The following GABRB2 variants were observed in gnomAD, a reference collection of about 807,000 sequenced individuals.
The protein encoded by GABRB2 is gamma-aminobutyric acid type A receptor subunit beta2.
Under a neutral mutation model 54.7 loss-of-function variants are expected in GABRB2, and 16 were observed. The ratio of observed to expected loss-of-function variants is 0.29; its 90% CI spans 0.20 to 0.44. The LOEUF (loss-of-function observed/expected upper bound fraction) is 0.44. GABRB2 is among the 20% of genes least tolerant of loss of function. The probability of loss-of-function intolerance (pLI) is 1.00; values close to 1 mark genes in which losing one functional copy is unlikely to be tolerated. For synonymous variants in GABRB2, 244 were observed against 233.8 expected (o/e 1.04, Z -0.40); for missense variants, 355 against 644.0 (o/e 0.55, Z 4.86).
intron 5 of GABRB2, among the ~76,000 whole-genome samples, chr5:161,378,150 C>A (rs1209708612): frequency 5.3e-5 from 8 of 152,062 alleles, no homozygotes; most frequent in Non-Finnish European, 1.0e-4. Flanking sequence ...GGCTTACTAG[C>A]TTTGTGTCTT....
At chr5:161,358,885 C>T (rs1338162919) in intron 5 of GABRB2, among the ~76,000 whole-genome samples, 1 of 152,080 alleles carries the variant, frequency 6.6e-6, no homozygotes, top group Admixed American at 6.6e-5. Context: ...CCAGCAACGT[C>T]CAAGGCCTAG....
intron 3 of GABRB2, among the ~76,000 whole-genome samples, chr5:161,497,528 A>ATGTGTGTGTGTG (rs1212086112): frequency 1.3e-5 from 1 of 77,130 alleles, no homozygotes; most frequent in African/African-American, 5.8e-5. Context: ...GAGTGTGTGT[A>ATGTGTGTGTGTG]TATGTGTGTG....
intron 3 of GABRB2, among the ~76,000 whole-genome samples, chr5:161,533,757 A>G (rs914688555): frequency 1.3e-5 from 2 of 152,160 alleles, no homozygotes; most frequent in Non-Finnish European, 2.9e-5. Context: ...AAGCTCATAG[A>G]ACATGGAAAA....
chr5:161,349,690 T>C (rs910739524), intron 5 of GABRB2, among the ~76,000 whole-genome samples: 2 of 152,108 alleles, frequency 1.3e-5, no homozygotes, highest in African/African-American at 4.8e-5. Context: ...ATGGAGAGAC[T>C]CGCATGGTGG....
intron 4 of GABRB2, among the ~76,000 whole-genome samples, chr5:161,436,954 A>G (rs1374501957): frequency 6.6e-6 from 1 of 152,076 alleles, no homozygotes; most frequent in Non-Finnish European, 1.5e-5. Context: ...AGCCCTAGCC[A>G]GAGGGGAATC....
chr5:161,371,852 GCTAGAAT>G (rs1755142171), intron 5 of GABRB2, among the ~76,000 whole-genome samples: 1 of 151,794 alleles, frequency 6.6e-6, no homozygotes, highest in Non-Finnish European at 1.5e-5. Context: ...CTCCTGAGTA[GCTAGAAT>G]CACAGGTGTG....
At position 161,328,498 on chromosome 5, in the gene GABRB2, G is replaced by A. The variant is rs139978801; in HGVS notation, c.1078-2017C>T. Among the ~76,000 whole-genome samples, 22 of 152,148 alleles carry A rather than the reference G, an allele frequency of 1.4e-4. No individual in the cohort carries two copies. The East Asian group carries it at 3.9e-3, about 27-fold the overall frequency. On this transcript the variant is annotated intron_variant, in intron 8 of 9. Coordinates refer to ENST00000393959, the MANE Select transcript of GABRB2 (RefSeq NM_001371727.1). Reference sequence around the variant, plus strand: ...GATGAGAAAACTAAAGGGCCAGAGAGGCTAAATTTTTTGTCTACTGTCACC... The same window carrying A: ...GATGAGAAAACTAAAGGGCCAGAGAAGCTAAATTTTTTGTCTACTGTCACC...
chr5:161,391,417 C>G (rs1755816739), intron 5 of GABRB2, among the ~76,000 whole-genome samples: 1 of 152,078 alleles, frequency 6.6e-6, no homozygotes, highest in African/African-American at 2.4e-5. Flanking sequence ...GTAGGCTATG[C>G]TCTTTGCAAA....
intron 5 of GABRB2, among the ~76,000 whole-genome samples, chr5:161,403,126 C>T (rs560160408): frequency 7.9e-5 from 12 of 152,184 alleles, no homozygotes; most frequent in East Asian, 5.8e-4. Flanking sequence ...AGGATTACAA[C>T]GTAAGAAAGC....
chr5:161,412,164 C>A (rs1027976539), intron 4 of GABRB2, among the ~76,000 whole-genome samples: 1 of 152,156 alleles, frequency 6.6e-6, no homozygotes, highest in Non-Finnish European at 1.5e-5. Flanking sequence ...AAAATCTAAA[C>A]CGTAACCCAG....
At chr5:161,486,103 G>A (rs1404968367) in intron 3 of GABRB2, among the ~76,000 whole-genome samples, 3 of 151,832 alleles carry the variant, frequency 2.0e-5, no homozygotes, top group Non-Finnish European at 4.4e-5. Flanking sequence ...TCTGCCACTG[G>A]CCATTTAAGT....
chr5:161,421,031 G>A (rs960578248), intron 4 of GABRB2, among the ~76,000 whole-genome samples: 1 of 152,060 alleles, frequency 6.6e-6, no homozygotes, highest in East Asian at 1.9e-4. Context: ...AACTAAAGCA[G>A]CCCTCCTTCC....
chr5:161,329,412 C>G (rs1753766122), intron 8 of GABRB2: 1 of 152,092 alleles, frequency 6.6e-6, no homozygotes, highest in Non-Finnish European at 1.5e-5. Flanking sequence ...TTGACAATTT[C>G]CTAGACCCTT....
chr5:161,402,503 T>C (rs1756227762), intron 5 of GABRB2, among the ~76,000 whole-genome samples: 2 of 152,126 alleles, frequency 1.3e-5, no homozygotes, highest in Non-Finnish European at 2.9e-5. Flanking sequence ...TGGAAAAGAA[T>C]GCCATCATTC....
intron 3 of GABRB2, among the ~76,000 whole-genome samples, chr5:161,486,645 T>G (rs761694159): frequency 2.0e-5 from 3 of 151,868 alleles, no homozygotes; most frequent in Non-Finnish European, 2.9e-5. Context: ...ATGTCATGCA[T>G]AAATTTATTC....
intron 3 of GABRB2, among the ~76,000 whole-genome samples, chr5:161,487,974 A>G (rs1298486624): frequency 6.6e-6 from 1 of 151,616 alleles, no homozygotes; most frequent in African/African-American, 2.4e-5. Flanking sequence ...TCCCTTAAGA[A>G]CTACAAGAGA....
chr5:161,497,369 A>T (rs1759283226), intron 3 of GABRB2, among the ~76,000 whole-genome samples: 1 of 152,130 alleles, frequency 6.6e-6, no homozygotes, highest in African/African-American at 2.4e-5. Context: ...ACTTCTCAGG[A>T]AGAAAGCACC....
chr5:161,532,206 C>T (rs768213091), intron 3 of GABRB2, among the ~76,000 whole-genome samples: 2 of 151,948 alleles, frequency 1.3e-5, no homozygotes, highest in African/African-American at 2.4e-5. Context: ...GGTAAATAAG[C>T]ATTCATATGT....
intron 5 of GABRB2, among the ~76,000 whole-genome samples, chr5:161,392,782 T>C (rs528198431): frequency 1.3e-5 from 2 of 152,290 alleles, no homozygotes; most frequent in East Asian, 3.9e-4. Context: ...TGAATATCTA[T>C]AGATAATCAT....
Sources: gnomAD v4.1 joint callset for allele counts (sites outside exome capture counted in the v4.1 genomes callset) on GRCh38, gnomAD v4.1.1 for gene constraint, MANE v1.5 for transcripts, NCBI Gene and HGNC (gene_info 2026-07-23, HGNC 2026-07-21) for gene names.